The following ACAN variants were observed in gnomAD, a reference collection of about 807,000 sequenced individuals.
The protein encoded by ACAN is aggrecan.
Under a neutral mutation model 169.1 loss-of-function variants are expected in ACAN, and 47 were observed. The ratio of observed to expected loss-of-function variants is 0.28; its 90% confidence interval spans 0.22 to 0.35. The LOEUF is 0.35. ACAN is among the 10% of genes least tolerant of loss of function. The pLI, the probability that ACAN is intolerant of heterozygous loss-of-function variation, is 1.00. For synonymous variants in ACAN, 1,115 were observed against 1,112.2 expected, an observed-to-expected ratio of 1.00 and a Z score of -0.05; for missense variants, 2,716 against 2,759.9, an observed-to-expected ratio of 0.98 and a Z score of 0.36.
At position 88,843,715 on chromosome 15, in the gene ACAN, G is replaced by A. The variant is rs562958810; in HGVS notation, c.1051+67G>A. ...AAATGGGGTCCTAGAGGGAAGAGGG[G>A]ATCTTGGAAAGGGAGGGTTGGTTTT... is the stretch of plus-strand genomic sequence containing the variant. On this transcript the variant is annotated intron_variant, in intron 6 of 18. Coordinates refer to ENST00000560601, the MANE Select transcript of ACAN (RefSeq NM_001369268.1). The surrounding 1 kb of genome is among the most constrained non-coding windows in gnomAD (Gnocchi z 4.0). 1.8e-4 allele frequency: 263 copies of A among 1,497,200 alleles called. No homozygotes were observed. The highest frequency in any genetic ancestry group is 8.1e-4 in the Middle Eastern group (4 of 4,964). The allele number at this position is 1,497,200 out of a possible 1,614,324, so 92.7% of individuals were successfully genotyped here.
rs113255575 is a variant in ACAN at position 88,861,086 on chromosome 15, C to T, written c.6946+647C>T. 7.2e-5 allele frequency among the ~76,000 whole-genome samples: 11 copies of T among 152,212 alleles called. No individual in the cohort carries two copies. Among genetic ancestry groups the T allele is most frequent in the African/African-American group, 2.2e-4 (9 of 41,530 alleles). On this transcript the variant is annotated intron_variant, in intron 13 of 18. Transcript: ENST00000560601. The surrounding 1 kb of genome is among the most constrained non-coding windows in gnomAD (Gnocchi z 6.3). ...GGACCCTCTGATCTGAGGTGGACCCCGGAAGGAGATGGTTAGAATCTACCT... is the reference window on the plus strand; with the variant it reads ...GGACCCTCTGATCTGAGGTGGACCCTGGAAGGAGATGGTTAGAATCTACCT...
chr15:88,874,766 G>A lies in ACAN; in HGVS notation c.*285G>A. On this transcript the variant is annotated 3_prime_UTR_variant, in exon 19 of 19. Transcript: ENST00000560601. The surrounding 1 kb of genome is among the most constrained non-coding windows in gnomAD (Gnocchi z 7.3). ...TCAATTTCCCATCGTGCCTTTCCAG[G>A]GACCAGTGCAGGGACAGGGGGAGAA... 2.0e-6 allele frequency: 1 copy of A among 487,950 alleles called. No individual in the cohort carries two copies. Among genetic ancestry groups the A allele is most frequent in the South Asian group, 1.9e-5 (1 of 52,766 alleles). 30.2% of individuals were successfully genotyped at this position (487,950 alleles called of 1,614,324 possible).
At chr15:88,848,084 T>TGGGCAGGGAGC in intron 9 of ACAN, 46 bp downstream of exon 9, 2 of 1,600,200 alleles carry the variant, frequency 1.2e-6, no homozygotes, top group Non-Finnish European at 1.7e-6. Flanking sequence ...GGGCAGGGGG[T>TGGGCAGGGAGC]GGGCAGGGAG....
At chr15:88,846,624 C>A (rs1443251374) in intron 7 of ACAN, among the ~76,000 whole-genome samples, 2 of 152,148 alleles carry the variant, frequency 1.3e-5, no homozygotes, top group South Asian at 2.1e-4. Flanking sequence ...GAAACAATAA[C>A]AACAATACAA....
Position 88,840,200 on chromosome 15 carries a change from C to T in ACAN, c.629+14C>T. ...CCAGACTGTCAGGTGAGCCCTAGCCCATCAGCTAGTGGGGGCCAGGAGTCA... is the reference window on the plus strand; with the variant it reads ...CCAGACTGTCAGGTGAGCCCTAGCCTATCAGCTAGTGGGGGCCAGGAGTCA... On this transcript the variant is annotated intron_variant, in intron 4 of 18. Coordinates refer to ENST00000560601, the MANE Select transcript of ACAN (RefSeq NM_001369268.1). 1 of 1,577,532 alleles carries T rather than the reference C, an allele frequency of 6.3e-7. No homozygotes were observed. Among genetic ancestry groups the T allele is most frequent in the Non-Finnish European group, 8.6e-7 (1 of 1,164,178 alleles).
Position 88,861,365 on chromosome 15 carries a change from C to T in ACAN, c.6946+926C>T, listed in dbSNP as rs572614675. 6.6e-5 allele frequency among the ~76,000 whole-genome samples: 10 copies of T among 152,206 alleles called. No homozygotes were observed. In the South Asian group the frequency reaches 2.1e-3, roughly 32 times the overall value. ...GAAAAAACGAATCCTGGAGAAAAAA[C>T]AATCACTTCCACGTAAACCTCATGT... On this transcript the variant is annotated intron_variant, in intron 13 of 18. Transcript: ENST00000560601. This position sits in a 1 kb window ranked among gnomAD's most constrained non-coding sequence, Gnocchi z 6.3.
At chr15:88,810,929 G>T (rs1212866110) in intron 1 of ACAN, among the ~76,000 whole-genome samples, 1 of 152,142 alleles carries the variant, frequency 6.6e-6, no homozygotes, top group East Asian at 1.9e-4. Context: ...CTTCTCTCTA[G>T]CCCTGCCTCT....
intron 1 of ACAN, among the ~76,000 whole-genome samples, chr15:88,811,465 G>A (rs572515164): frequency 6.6e-6 from 1 of 152,280 alleles, no homozygotes; most frequent in African/African-American, 2.4e-5. Context: ...CCCAGCAAGC[G>A]CTCTCCAAGC....
In ACAN at chr15:88,814,856, G is replaced by A. The variant is rs768552401; in HGVS notation, c.-8+11047G>A. Among the ~76,000 whole-genome samples the A allele has an allele frequency of 4.6e-5, 7 of 152,138 alleles. No homozygotes were observed. Among genetic ancestry groups the A allele is most frequent in the Non-Finnish European group, 8.8e-5 (6 of 68,032 alleles). On this transcript the variant is annotated intron_variant, in intron 1 of 18. Coordinates refer to ENST00000560601, the MANE Select transcript of ACAN (RefSeq NM_001369268.1). The surrounding 1 kb of genome is among the most constrained non-coding windows in gnomAD (Gnocchi z 4.0). ...TGGTGCAGGGCTGGGGGCTGCCTCT[G>A]GCCCTACCGAACTCTGCCTCCATCC...
At chr15:88,805,118 C>G (rs1341009982) in intron 1 of ACAN, among the ~76,000 whole-genome samples, 1 of 152,158 alleles carries the variant, frequency 6.6e-6, no homozygotes, top group African/African-American at 2.4e-5. Flanking sequence ...ATTTAAGAGT[C>G]CAGAATTCTT....
At chr15:88,821,393 G>A (rs1896072646) in intron 1 of ACAN, among the ~76,000 whole-genome samples, 1 of 152,168 alleles carries the variant, frequency 6.6e-6, no homozygotes, top group Non-Finnish European at 1.5e-5. Flanking sequence ...GTCCAGGCTG[G>A]TCTCAAACTC....
rs566881508 is a variant in ACAN at position 88,872,259 on chromosome 15, G to A, written c.7302+174G>A. Among the ~76,000 whole-genome samples, 3 of 152,286 alleles carry A rather than the reference G, an allele frequency of 2.0e-5. No individual in the cohort carries two copies. The South Asian group carries it at 6.2e-4, about 32-fold the overall frequency. ...TCTCTGCCTCTGGAACCCAGCCCGGGGCTGGACAGATTGAGCTAATGATGG... is the reference window on the plus strand; with the variant it reads ...TCTCTGCCTCTGGAACCCAGCCCGGAGCTGGACAGATTGAGCTAATGATGG... On this transcript the variant is annotated intron_variant, in intron 16 of 18. Transcript: ENST00000560601. The surrounding 1 kb of genome is among the most constrained non-coding windows in gnomAD (Gnocchi z 5.4).
Position 88,855,407 on chromosome 15 carries a change from C to A in ACAN, c.2822C>A (p.Ala941Asp). 1 of 1,613,772 alleles carries A rather than the reference C, an allele frequency of 6.2e-7. No homozygotes were observed. The highest frequency in any genetic ancestry group is 8.5e-7 in the Non-Finnish European group (1 of 1,179,834). ...ACGGTTGGTGAACTGCCCTCTGGAG[C>A]TGAGATCCTAGAGGGCTCTGCCTCT... Reference protein sequence around the residue: ...TPTVGELPSGAEILEGSASGV... With the variant: ...TPTVGELPSGDEILEGSASGV... Residue 941 changes from alanine to aspartate, a missense_variant, in exon 12 of 19, where the codon GCT becomes GAT. Coordinates refer to ENST00000560601, the MANE Select transcript of ACAN (RefSeq NM_001369268.1).
At chr15:88,859,490 G>T in intron 12 of ACAN, 73 bp downstream of exon 12, 1 of 1,545,484 alleles carries the variant, frequency 6.5e-7, no homozygotes, top group African/African-American at 1.4e-5. Context: ...ACAGAAGGAG[G>T]CAGCATAGCT....
In ACAN at chr15:88,857,929, A is replaced by G; in HGVS notation, c.5344A>G (p.Ile1782Val). 6 of 1,613,790 alleles carry G rather than the reference A, an allele frequency of 3.7e-6. No homozygotes were observed. The highest frequency in any genetic ancestry group is 5.1e-6 in the Non-Finnish European group (6 of 1,179,880). The change falls in exon 12 of 19, where the codon ATA (isoleucine) becomes GTA (valine). Residue 1782 changes from isoleucine to valine, a missense_variant. Physicochemically the swap from Ile to Val is conservative, Grantham distance 29. Transcript: ENST00000560601. The part of the protein sequence containing the change: ...VLYGTSQPFG[I>V]TDLSGETSGV... Reference sequence around the variant, plus strand: ...TTATGGCACTAGTCAACCCTTTGGCATAACTGATCTGAGTGGAGAAACATC... The same window carrying G: ...TTATGGCACTAGTCAACCCTTTGGCGTAACTGATCTGAGTGGAGAAACATC...
Position 88,851,262 on chromosome 15 carries a change from A to T in ACAN, c.2027-532A>T, listed in dbSNP as rs75169935. ...TGCCTTCACGCTTTCAAATGCCGAG[A>T]TGGTTTCATGGAATTGAGTACCATC... is the stretch of plus-strand genomic sequence containing the variant. On this transcript the variant is annotated intron_variant, in intron 10 of 18. Transcript: ENST00000560601. This position sits in a 1 kb window ranked among gnomAD's most constrained non-coding sequence, Gnocchi z 4.3. The T allele has an allele frequency of 0.021, 3,207 of 155,606 alleles. 56 individuals carry two copies. Among genetic ancestry groups the T allele is most frequent in the Non-Finnish European group, 0.033 (2,339 of 70,296 alleles). The allele number at this position is 155,606 out of a possible 1,614,324, so 9.6% of individuals were successfully genotyped here.
intron 1 of ACAN, among the ~76,000 whole-genome samples, chr15:88,815,940 C>T (rs1365547670): frequency 6.6e-6 from 1 of 152,204 alleles, no homozygotes; most frequent in Non-Finnish European, 1.5e-5. Context: ...AAGCCATTGG[C>T]AGGGCCATGC....
chr15:88,852,069 G>A (rs1388419018), intron 11 of ACAN, 36 bp downstream of exon 11: 1 of 1,562,372 alleles, frequency 6.4e-7, no homozygotes, highest in Non-Finnish European at 8.7e-7. Flanking sequence ...ACACCCTGAA[G>A]CTGCATACCC....
Position 88,814,994 on chromosome 15 carries a change from T to G in ACAN, c.-8+11185T>G, listed in dbSNP as rs1379320075. Among the ~76,000 whole-genome samples, 1 of 149,356 alleles carries G rather than the reference T, an allele frequency of 6.7e-6. No individual in the cohort carries two copies. Among genetic ancestry groups the G allele is most frequent in the Admixed American group, 6.7e-5 (1 of 14,884 alleles). On this transcript the variant is annotated intron_variant, in intron 1 of 18. Coordinates refer to ENST00000560601, the MANE Select transcript of ACAN (RefSeq NM_001369268.1). This position sits in a 1 kb window ranked among gnomAD's most constrained non-coding sequence, Gnocchi z 4.0. ...GAACAGACTCAGTTCTACCTCCAGC[T>G]GAAACTTTGGTTTTTCTTGTCCTGT... is the stretch of plus-strand genomic sequence containing the variant.
Sources: allele counts gnomAD v4.1 joint callset (sites outside exome capture counted in the v4.1 genomes callset), GRCh38; gene constraint gnomAD v4.1.1; non-coding constraint Gnocchi (gnomAD v3.1); transcripts MANE v1.5; gene names NCBI Gene and HGNC (gene_info 2026-07-23, HGNC 2026-07-21).